FUT8: variants seen among roughly 807,000 people sequenced by gnomAD.
FUT8 encodes the protein fucosyltransferase 8.
A neutral mutation model predicts 71.3 loss-of-function variants in FUT8; 29 were observed. That is an observed-to-expected ratio of 0.41 (90% CI 0.30 to 0.55). The LOEUF is 0.55. Among genes scored for constraint, FUT8 ranks in the 20% least tolerant of loss-of-function variants. FUT8 has a pLI of 0.34. For synonymous variants in FUT8, 254 were observed against 239.3 expected, an observed-to-expected ratio of 1.06 and a Z score of -0.57; for missense variants, 544 against 702.1, an observed-to-expected ratio of 0.77 and a Z score of 2.55.
chr14:65,651,768 A>G (rs777966252), intron 6 of FUT8, among the ~76,000 whole-genome samples: 1 of 152,222 alleles, frequency 6.6e-6, no homozygotes, highest in African/African-American at 2.4e-5. Context: ...TTAGCTCAGT[A>G]GTAAAATAGA....
At chr14:65,502,145 G>A (rs1281360028) in intron 2 of FUT8, among the ~76,000 whole-genome samples, 4 of 151,202 alleles carry the variant, frequency 2.6e-5, no homozygotes, top group Admixed American at 6.6e-5. Context: ...TCCTGGCCTC[G>A]AGTGATTCAC....
chr14:65,578,529 T>C, intron 3 of FUT8, among the ~76,000 whole-genome samples: 1 of 152,192 alleles, frequency 6.6e-6, no homozygotes, highest in Non-Finnish European at 1.5e-5. Context: ...ATTCGTAAAC[T>C]TTCTTAAAAC....
chr14:65,358,667 C>A, the FUT8 span, among the ~76,000 whole-genome samples: 2 of 152,046 alleles, frequency 1.3e-5, no homozygotes, highest in Non-Finnish European at 2.9e-5. Flanking sequence ...CCAGGCTGGT[C>A]TTGAACTTCT....
chr14:65,530,938 T>C (rs1370922712), intron 2 of FUT8, among the ~76,000 whole-genome samples: 1 of 148,030 alleles, frequency 6.8e-6, no homozygotes, highest in African/African-American at 2.5e-5. Context: ...ACAGATAGAA[T>C]ATAAGACCAA....
intron 2 of FUT8, among the ~76,000 whole-genome samples, chr14:65,528,638 G>A (rs2210055): frequency 0.051 from 7,709 of 152,204 alleles, 257 homozygotes; most frequent in Non-Finnish European, 0.077. Context: ...CTTCTGCGTC[G>A]CTCAGGCTGG....
chr14:65,728,997 C>T (rs1053053545), intron 9 of FUT8, among the ~76,000 whole-genome samples: 12 of 150,334 alleles, frequency 8.0e-5, no homozygotes, highest in African/African-American at 2.4e-4. Context: ...GCAATAGATC[C>T]ATTCCCCTAG....
At chr14:65,511,416 T>C (rs908943421) in intron 2 of FUT8, among the ~76,000 whole-genome samples, 9 of 152,138 alleles carry the variant, frequency 5.9e-5, no homozygotes, top group Non-Finnish European at 1.2e-4. Flanking sequence ...TCTTTAAATA[T>C]CTATTAGATC....
intron 7 of FUT8, among the ~76,000 whole-genome samples, chr14:65,688,590 A>C (rs1164905450): frequency 1.3e-5 from 2 of 151,924 alleles, no homozygotes; most frequent in Non-Finnish European, 2.9e-5. Flanking sequence ...CCTTTCACAA[A>C]AATGAACTCA....
chr14:65,371,288 T>A, the FUT8 span, among the ~76,000 whole-genome samples: 1 of 152,234 alleles, frequency 6.6e-6, no homozygotes, highest in Non-Finnish European at 1.5e-5. Flanking sequence ...TCTGATGCCC[T>A]ATCACCCTAC....
the FUT8 span, among the ~76,000 whole-genome samples, chr14:65,387,457 G>A: frequency 3.3e-5 from 5 of 152,026 alleles, no homozygotes; most frequent in Admixed American, 6.6e-5. Flanking sequence ...TGACAGATAC[G>A]CAGCTGAAGA....
In FUT8 at chr14:65,669,168, G is replaced by T; in HGVS notation, c.598-75G>T. On this transcript the variant is annotated intron_variant, in intron 6 of 10. Transcript: ENST00000673929. This position sits in a 1 kb window ranked among gnomAD's most constrained non-coding sequence, Gnocchi z 4.5. ...TGCATGTGTACCCCTGAAGATGAAAGATTAAAAAAAAAAAAGAGCAGTTGA... is the reference window on the plus strand; with the variant it reads ...TGCATGTGTACCCCTGAAGATGAAATATTAAAAAAAAAAAAGAGCAGTTGA... The T allele has an allele frequency of 8.9e-7, 1 of 1,119,158 alleles. No homozygotes were observed. The highest frequency in any genetic ancestry group is 1.3e-6 in the Non-Finnish European group (1 of 777,742). 69.3% of individuals were successfully genotyped at this position (1,119,158 alleles called of 1,614,324 possible). A position where few individuals can be genotyped will look rare whatever the true frequency, so the allele number is the denominator to read the frequency against.
Position 65,733,390 on chromosome 14 carries a change from C to T in FUT8, c.1410+9C>T. The T allele has an allele frequency of 6.4e-7, 1 of 1,559,324 alleles. No individual in the cohort carries two copies. Among genetic ancestry groups the T allele is most frequent in the Non-Finnish European group, 8.7e-7 (1 of 1,152,850 alleles). On this transcript the variant is annotated intron_variant, in intron 10 of 10. Transcript: ENST00000673929. ...GTACTTTTTCATCCCAGGTAAGTGT[C>T]AGTAGGGCATTTTAAAATAACCAAT...
chr14:65,667,864 C>T (rs1184282184), intron 6 of FUT8, among the ~76,000 whole-genome samples: 2 of 151,972 alleles, frequency 1.3e-5, no homozygotes, highest in African/African-American at 4.8e-5. Flanking sequence ...GGTACTGGTA[C>T]AAAAACAGAC....
the FUT8 span, among the ~76,000 whole-genome samples, chr14:65,377,342 G>A: frequency 1.3e-5 from 2 of 152,088 alleles, no homozygotes; most frequent in Admixed American, 1.3e-4. Context: ...TAGAGACTAA[G>A]GTCAGTAAAT....
rs1888634294 is a variant in FUT8 at position 65,607,248 on chromosome 14, G to A, written c.204-8730G>A. Among the ~76,000 whole-genome samples, 2 of 151,742 alleles carry A rather than the reference G, an allele frequency of 1.3e-5. No individual in the cohort carries two copies. Among genetic ancestry groups the A allele is most frequent in the African/African-American group, 4.8e-5 (2 of 41,368 alleles). On this transcript the variant is annotated intron_variant, in intron 3 of 10. Coordinates refer to ENST00000673929, the MANE Select transcript of FUT8 (RefSeq NM_001371533.1). This position sits in a 1 kb window ranked among gnomAD's most constrained non-coding sequence, Gnocchi z 4.1. ...TACAGTGATGAATAGAAGCATAGATGGCAGGCCTGTCTTCTATTGTTCTTA... is the reference window on the plus strand; with the variant it reads ...TACAGTGATGAATAGAAGCATAGATAGCAGGCCTGTCTTCTATTGTTCTTA...
chr14:65,729,166 T>C (rs909471728), intron 9 of FUT8, among the ~76,000 whole-genome samples: 1 of 149,272 alleles, frequency 6.7e-6, no homozygotes, highest in Admixed American at 6.7e-5. Flanking sequence ...GCTGGGACCA[T>C]TGGCATGCAG....
the FUT8 span, among the ~76,000 whole-genome samples, chr14:65,397,915 A>G: frequency 1.3e-5 from 2 of 152,224 alleles, no homozygotes; most frequent in Admixed American, 6.5e-5. This position sits in a 1 kb window ranked among gnomAD's most constrained non-coding sequence, Gnocchi z 4.2. Flanking sequence ...AGCCTGTGGT[A>G]CAATTGGTTT....
chr14:65,624,386 G>A (rs144088065), intron 5 of FUT8, among the ~76,000 whole-genome samples: 238 of 151,576 alleles, frequency 1.6e-3, no homozygotes, highest in African/African-American at 5.0e-3. Context: ...CCAAGACTTA[G>A]TACTGATGTA....
chr14:65,548,467 GT>G (rs754266596), intron 2 of FUT8, among the ~76,000 whole-genome samples: 3 of 151,308 alleles, frequency 2.0e-5, no homozygotes, highest in Non-Finnish European at 4.4e-5. Context: ...TTGTTAATCT[GT>G]TCACCTGTTG....
Sources: allele counts gnomAD v4.1 joint callset (sites outside exome capture counted in the v4.1 genomes callset), GRCh38; gene constraint gnomAD v4.1.1; non-coding constraint Gnocchi (gnomAD v3.1); transcripts MANE v1.5; gene names NCBI Gene and HGNC (gene_info 2026-07-23, HGNC 2026-07-21).